The following CPEB3 variants were observed in gnomAD, a reference collection of about 807,000 sequenced individuals.
CPEB3 encodes the protein cytoplasmic polyadenylation element-binding protein 3.
In CPEB3, 20 loss-of-function variants were observed where a neutral mutation model predicts 67.2. That is an observed-to-expected ratio of 0.30 (90% CI 0.21 to 0.43). The LOEUF (loss-of-function observed/expected upper bound fraction) is 0.43, where lower values mean the gene tolerates loss of function less well. Among genes scored for constraint, CPEB3 ranks in the 20% least tolerant of loss-of-function variants. The probability of loss-of-function intolerance (pLI) is 1.00; values close to 1 mark genes in which losing one functional copy is unlikely to be tolerated. For synonymous variants in CPEB3, 376 were observed against 393.1 expected (o/e 0.96, Z 0.51); for missense variants, 746 against 968.6 (o/e 0.77, Z 3.05).
At chr10:92,083,501 C>T (rs1004775051) in intron 8 of CPEB3, among the ~76,000 whole-genome samples, 7 of 152,018 alleles carry the variant, frequency 4.6e-5, no homozygotes, top group Admixed American at 6.6e-5. Context: ...TGAGAATCTC[C>T]TCATACGGCT....
At chr10:92,192,141 G>A (rs1849011345) in intron 3 of CPEB3, among the ~76,000 whole-genome samples, 1 of 152,066 alleles carries the variant, frequency 6.6e-6, no homozygotes, top group Non-Finnish European at 1.5e-5. Flanking sequence ...ATATATACAT[G>A]GACTTAAATG....
At chr10:92,073,173 G>A (rs1842814989) in intron 9 of CPEB3, among the ~76,000 whole-genome samples, 1 of 150,054 alleles carries the variant, frequency 6.7e-6, no homozygotes, top group Non-Finnish European at 1.5e-5. Context: ...GGGTAGCTGT[G>A]ACTACAGGCA....
chr10:92,162,609 G>GTATTT (rs1212641833), intron 4 of CPEB3, among the ~76,000 whole-genome samples: 2 of 152,092 alleles, frequency 1.3e-5, no homozygotes, highest in African/African-American at 4.8e-5. Flanking sequence ...AATGGTACAT[G>GTATTT]TATTTTACAG....
intron 5 of CPEB3, among the ~76,000 whole-genome samples, chr10:92,143,965 C>T (rs935888243): frequency 1.3e-5 from 2 of 152,110 alleles, no homozygotes. Context: ...TGTGTCATAG[C>T]TAGAAAAATG....
chr10:92,246,376 T>A (rs1201794021), intron 1 of CPEB3, among the ~76,000 whole-genome samples: 2 of 151,376 alleles, frequency 1.3e-5, no homozygotes, highest in Non-Finnish European at 2.9e-5. Flanking sequence ...TAAAATAAAA[T>A]AAAAATACCC....
chr10:92,065,245 G>T (rs964458025), intron 9 of CPEB3, among the ~76,000 whole-genome samples: 1 of 152,142 alleles, frequency 6.6e-6, no homozygotes, highest in Admixed American at 6.6e-5. Context: ...TTGAGACAGG[G>T]TCACTCGCTC....
intron 3 of CPEB3, among the ~76,000 whole-genome samples, chr10:92,187,123 T>C (rs1367485522): frequency 6.6e-6 from 1 of 152,230 alleles, no homozygotes; most frequent in Non-Finnish European, 1.5e-5. Flanking sequence ...TGAAAGGCTC[T>C]ACAATACTAA....
chr10:92,289,732 AATATATAT>A (rs71025390), intron 1 of CPEB3, among the ~76,000 whole-genome samples: 2 of 75,768 alleles, frequency 2.6e-5, no homozygotes, highest in East Asian at 5.7e-4. Context: ...AAAAAAAAAA[AATATATAT>A]ATATATATAT....
At chr10:92,289,842 A>G (rs1250663948) in intron 1 of CPEB3, among the ~76,000 whole-genome samples, 1 of 142,928 alleles carries the variant, frequency 7.0e-6, no homozygotes, top group Non-Finnish European at 1.5e-5. Flanking sequence ...TATATATAAT[A>G]CAAATATATA....
intron 9 of CPEB3, among the ~76,000 whole-genome samples, chr10:92,053,524 C>A (rs12779904): frequency 1.4e-5 from 2 of 143,690 alleles, no homozygotes; most frequent in African/African-American, 2.6e-5. Flanking sequence ...CCACCACGCT[C>A]GGCTAATTTT....
chr10:92,115,775 C>T (rs1035704310), intron 6 of CPEB3, among the ~76,000 whole-genome samples: 9 of 152,012 alleles, frequency 5.9e-5, no homozygotes, highest in Admixed American at 3.9e-4. Flanking sequence ...TTATTTGATG[C>T]TCACCCTCTA....
At chr10:92,180,516 G>C (rs1054214690) in intron 4 of CPEB3, among the ~76,000 whole-genome samples, 2 of 152,238 alleles carry the variant, frequency 1.3e-5, no homozygotes, top group East Asian at 3.9e-4. Context: ...AAATAGTTTG[G>C]CCTTTGTGGC....
At chr10:92,172,290 GACA>G (rs917203839) in intron 4 of CPEB3, among the ~76,000 whole-genome samples, 4 of 151,900 alleles carry the variant, frequency 2.6e-5, no homozygotes, top group African/African-American at 9.7e-5. Context: ...GAAAAAACAA[GACA>G]ACAACAACAA....
Position 92,215,750 on chromosome 10 carries a change from T to TC in CPEB3, c.1006-23115_1006-23114insG, listed in dbSNP as rs1301200615. ...GCCATGGCGCCTGGCTTTTTTTTTT[T>TC]TTTTTTTTCTTTTTTTTGAGAACAA... On this transcript the variant is annotated intron_variant, in intron 2 of 9. Coordinates refer to ENST00000265997, the MANE Select transcript of CPEB3 (RefSeq NM_014912.5). 2.6e-4 allele frequency among the ~76,000 whole-genome samples: 36 copies of TC among 140,370 alleles called. No individual in the cohort carries two copies. The East Asian group carries it at 7.0e-3, about 27-fold the overall frequency. 92.1% of individuals were successfully genotyped at this position (140,370 alleles called of 152,430 possible).
intron 7 of CPEB3, among the ~76,000 whole-genome samples, chr10:92,102,807 C>T (rs917916255): frequency 6.6e-6 from 1 of 152,196 alleles, no homozygotes; most frequent in Non-Finnish European, 1.5e-5. Context: ...GCGCTCTCCC[C>T]GTCACAACTA....
At chr10:92,156,736 ATATT>A (rs1847227555) in intron 4 of CPEB3, among the ~76,000 whole-genome samples, 1 of 152,166 alleles carries the variant, frequency 6.6e-6, no homozygotes, top group Non-Finnish European at 1.5e-5. Context: ...AAATTTAATG[ATATT>A]TATTTCCAAG....
chr10:92,120,420 T>C (rs935432981), intron 6 of CPEB3, among the ~76,000 whole-genome samples: 7 of 151,886 alleles, frequency 4.6e-5, no homozygotes, highest in Non-Finnish European at 1.0e-4. Context: ...CTGTCTCTAC[T>C]AGAAATACAA....
chr10:92,223,536 C>T (rs999181178), intron 2 of CPEB3, among the ~76,000 whole-genome samples: 36 of 150,786 alleles, frequency 2.4e-4, no homozygotes, highest in Non-Finnish European at 5.2e-4. Flanking sequence ...AAGTAATCAC[C>T]AAGTCCTTCC....
intron 1 of CPEB3, 101 bp downstream of exon 1, chr10:92,290,819 CCGGGGA>C (rs1455187901): frequency 6.6e-6 from 1 of 152,482 alleles, no homozygotes; most frequent in Admixed American, 6.5e-5. Context: ...ACGGCCGGGG[CCGGGGA>C]CCCTGATAAG....
Sources: gnomAD v4.1 joint callset for allele counts (sites outside exome capture counted in the v4.1 genomes callset) on GRCh38, gnomAD v4.1.1 for gene constraint, MANE v1.5 for transcripts, NCBI Gene and HGNC (gene_info 2026-07-23, HGNC 2026-07-21) for gene names.